The following SLC10A7 variants were observed in gnomAD, a reference collection of about 807,000 sequenced individuals.
SLC10A7 encodes sodium/bile acid cotransporter 7.
Under a neutral mutation model 43.2 loss-of-function variants are expected in SLC10A7, and 29 were observed. The ratio of observed to expected loss-of-function variants is 0.67; its 90% CI spans 0.50 to 0.92. The LOEUF is 0.92. Ranked by LOEUF, SLC10A7 falls within the 40% of genes least tolerant of loss-of-function variation. The probability of loss-of-function intolerance (pLI) is 0.00; values close to 1 mark genes in which losing one functional copy is unlikely to be tolerated. For synonymous variants in SLC10A7, 152 were observed against 144.8 expected (o/e 1.05, Z -0.35); for missense variants, 295 against 403.2 (o/e 0.73, Z 2.30).
rs1346638116 is a variant in SLC10A7 at position 146,256,192 on chromosome 4, C to T, written c.*299G>A. On this transcript the variant is annotated 3_prime_UTR_variant, in exon 12 of 12. Coordinates refer to ENST00000335472, the MANE Select transcript of SLC10A7 (RefSeq NM_001029998.6). ...GTAACTACTATAGGGTTGTATTGCA[C>T]AAAGGTGCTGCAGGGAAAGCATGTT... The T allele has an allele frequency of 4.0e-5, 17 of 421,596 alleles. No homozygotes were observed. Among genetic ancestry groups the T allele is most frequent in the Non-Finnish European group, 7.4e-5 (17 of 230,612 alleles). 26.1% of individuals were successfully genotyped at this position (421,596 alleles called of 1,614,324 possible). A position where few individuals can be genotyped will look rare whatever the true frequency, so the allele number is the denominator to read the frequency against.
At chr4:146,386,553 A>T (rs1012101447) in intron 5 of SLC10A7, among the ~76,000 whole-genome samples, 2 of 152,130 alleles carry the variant, frequency 1.3e-5, no homozygotes, top group Non-Finnish European at 2.9e-5. Flanking sequence ...GCATGTATTC[A>T]CATATTCTCT....
chr4:146,509,843 C>T (rs1229964002), intron 3 of SLC10A7, 70 bp downstream of exon 3: 4 of 1,430,002 alleles, frequency 2.8e-6, no homozygotes, highest in Admixed American at 4.5e-5. Flanking sequence ...TATATAGTTG[C>T]CATAGAAACA....
chr4:146,336,014 A>G (rs1313858428), intron 5 of SLC10A7, among the ~76,000 whole-genome samples: 2 of 152,144 alleles, frequency 1.3e-5, no homozygotes, highest in Non-Finnish European at 2.9e-5. Context: ...CATAATCTGC[A>G]TCTTAGCAAG....
At chr4:146,499,030 C>T (rs1736172183) in intron 4 of SLC10A7, among the ~76,000 whole-genome samples, 1 of 152,082 alleles carries the variant, frequency 6.6e-6, no homozygotes, top group African/African-American at 2.4e-5. Flanking sequence ...CTGCATACAT[C>T]CCCAAATCAT....
intron 10 of SLC10A7, among the ~76,000 whole-genome samples, chr4:146,264,350 CT>C (rs1432552719): frequency 6.6e-6 from 1 of 152,104 alleles, no homozygotes; most frequent in African/African-American, 2.4e-5. Flanking sequence ...TAAATATGGA[CT>C]TTTATTTAAC....
intron 10 of SLC10A7, among the ~76,000 whole-genome samples, chr4:146,274,563 T>G (rs1729092032): frequency 6.6e-6 from 1 of 152,132 alleles, no homozygotes; most frequent in Admixed American, 6.6e-5. Flanking sequence ...TACTGTTGTT[T>G]AACCAGATTA....
At position 146,515,184 on chromosome 4, in the gene SLC10A7, G is replaced by C. The variant is rs761862615; in HGVS notation, c.183+1854C>G. On this transcript the variant is annotated intron_variant, in intron 2 of 11. Transcript: ENST00000335472. ...GTGAGAGAAATCAAGTTGCTTTCTGGATTTCCCATGGCACAAGTAACAGCT... is the reference window on the plus strand; with the variant it reads ...GTGAGAGAAATCAAGTTGCTTTCTGCATTTCCCATGGCACAAGTAACAGCT... 1.1e-5 allele frequency: 8 copies of C among 702,090 alleles called. No individual in the cohort carries two copies. The East Asian group carries it at 1.9e-4, about 16-fold the overall frequency. 43.5% of individuals were successfully genotyped at this position (702,090 alleles called of 1,614,324 possible). A position where few individuals can be genotyped will look rare whatever the true frequency, so the allele number is the denominator to read the frequency against.
At chr4:146,500,170 C>T (rs1003799438) in intron 4 of SLC10A7, among the ~76,000 whole-genome samples, 2 of 152,186 alleles carry the variant, frequency 1.3e-5, no homozygotes, top group Non-Finnish European at 2.9e-5. Flanking sequence ...CAATTTCATT[C>T]CTACACTAAG....
At chr4:146,258,313 A>G (rs1156795857) in intron 11 of SLC10A7, among the ~76,000 whole-genome samples, 8 of 152,228 alleles carry the variant, frequency 5.3e-5, no homozygotes, top group Non-Finnish European at 1.0e-4. Flanking sequence ...CTTATTTGGA[A>G]AGGCATGTGA....
Position 146,275,341 on chromosome 4 carries a change from GC to G in SLC10A7, c.847+7850del, listed in dbSNP as rs201230755. The stretch of plus-strand genomic sequence containing the variant: ...ATTACTGAATAGTAGAGCTAGAAGA[GC>G]CCCAGAGATCATCTAGTCTGAACTT... On this transcript the variant is annotated intron_variant, in intron 10 of 11. Transcript: ENST00000335472. 8.8e-3 allele frequency among the ~76,000 whole-genome samples: 1,343 copies of G among 152,264 alleles called. 24 individuals carry two copies. The highest frequency in any genetic ancestry group is 0.03 in the African/African-American group (1,258 of 41,548).
At chr4:146,369,787 T>A (rs1428909755) in intron 5 of SLC10A7, among the ~76,000 whole-genome samples, 8 of 152,174 alleles carry the variant, frequency 5.3e-5, no homozygotes, top group Admixed American at 3.3e-4. Context: ...GATTTTCACA[T>A]CTTTGATAAA....
intron 4 of SLC10A7, among the ~76,000 whole-genome samples, chr4:146,467,636 T>C (rs567951549): frequency 6.8e-5 from 9 of 133,016 alleles, no homozygotes; most frequent in South Asian, 5.3e-4. Context: ...AGTCTCAGCA[T>C]ACTGCAATCT....
chr4:146,446,542 T>C (rs866141515), intron 4 of SLC10A7, among the ~76,000 whole-genome samples: 2 of 148,976 alleles, frequency 1.3e-5, no homozygotes, highest in Non-Finnish European at 3.0e-5. Flanking sequence ...TACCACTGCA[T>C]TCCAGCCCGG....
intron 11 of SLC10A7, among the ~76,000 whole-genome samples, chr4:146,258,407 C>A (rs191687377): frequency 6.6e-6 from 1 of 152,112 alleles, no homozygotes; most frequent in Non-Finnish European, 1.5e-5. Context: ...TTTACTGAAC[C>A]TTTACCCCAT....
At chr4:146,265,951 T>C (rs1728524733) in intron 10 of SLC10A7, among the ~76,000 whole-genome samples, 1 of 152,216 alleles carries the variant, frequency 6.6e-6, no homozygotes. Flanking sequence ...AGTCTAATAT[T>C]ACATGTACTT....
intron 6 of SLC10A7, among the ~76,000 whole-genome samples, chr4:146,318,579 T>G (rs1419922596): frequency 4.6e-5 from 7 of 152,030 alleles, no homozygotes; most frequent in Non-Finnish European, 8.8e-5. Flanking sequence ...TATTATTGCT[T>G]TCTTCCAGTC....
At chr4:146,388,772 C>A (rs76977871) in intron 5 of SLC10A7, among the ~76,000 whole-genome samples, 297 of 74,736 alleles carry the variant, frequency 4.0e-3, no homozygotes, top group African/African-American at 0.012. Context: ...ACAACAACAA[C>A]AAAAAAAAAA....
At chr4:146,306,413 A>G (rs1731574623) in intron 6 of SLC10A7, among the ~76,000 whole-genome samples, 1 of 152,110 alleles carries the variant, frequency 6.6e-6, no homozygotes, top group Non-Finnish European at 1.5e-5. Flanking sequence ...ATTTTTATTT[A>G]TGTAAATGAA....
intron 6 of SLC10A7, among the ~76,000 whole-genome samples, chr4:146,310,304 G>A (rs140081896): frequency 1.6e-4 from 25 of 152,210 alleles, no homozygotes; most frequent in Non-Finnish European, 3.1e-4. Flanking sequence ...GTATCTTTTT[G>A]ATAGAATGAT....
Sources: gnomAD v4.1 joint callset for allele counts (sites outside exome capture counted in the v4.1 genomes callset) on GRCh38, gnomAD v4.1.1 for gene constraint, MANE v1.5 for transcripts, NCBI Gene and HGNC (gene_info 2026-07-23, HGNC 2026-07-21) for gene names.